Variants in UBR2 observed in about 807,000 individuals in gnomAD.
UBR2 encodes ubiquitin protein ligase E3 component n-recognin 2.
A neutral mutation model predicts 247.9 loss-of-function variants in UBR2; 92 were observed. That is an observed-to-expected ratio of 0.37 (90% CI 0.31 to 0.44). The LOEUF is 0.44. UBR2 is among the 20% of genes least tolerant of loss of function. The pLI is 1.00. For missense variants in UBR2, 1,613 were observed against 2,112.6 expected, an observed-to-expected ratio of 0.76 and a Z score of 4.64; for synonymous variants, 672 against 693.5, an observed-to-expected ratio of 0.97 and a Z score of 0.49.
chr6:42,672,429 A>T (rs146550005), intron 36 of UBR2, among the ~76,000 whole-genome samples: 4 of 152,082 alleles, frequency 2.6e-5, no homozygotes, highest in Non-Finnish European at 5.9e-5. Flanking sequence ...GTTCAGCCCC[A>T]TATTATTTCT....
At chr6:42,595,967 T>C (rs1287658196) in intron 4 of UBR2, among the ~76,000 whole-genome samples, 1 of 151,568 alleles carries the variant, frequency 6.6e-6, no homozygotes, top group Non-Finnish European at 1.5e-5. Flanking sequence ...TTTATATAGT[T>C]GATTGGGGTT....
chr6:42,665,042 T>G (rs1310873593), intron 32 of UBR2, among the ~76,000 whole-genome samples: 5 of 152,188 alleles, frequency 3.3e-5, no homozygotes, highest in Non-Finnish European at 5.9e-5. Flanking sequence ...GTAGGGATAT[T>G]TTGAGGATTA....
chr6:42,689,780 A>G lies in UBR2; in HGVS notation c.5126+110A>G. ...TGGTTCTGGAAGAGGTGGCTGTGTTATCTGTGGAGTCTTCCAAGGAGGGTG... is the reference window on the plus strand; with the variant it reads ...TGGTTCTGGAAGAGGTGGCTGTGTTGTCTGTGGAGTCTTCCAAGGAGGGTG... On this transcript the variant is annotated intron_variant, in intron 46 of 46. Coordinates refer to ENST00000372901, the MANE Select transcript of UBR2 (RefSeq NM_001363705.2). This position sits in a 1 kb window ranked among gnomAD's most constrained non-coding sequence, Gnocchi z 4.0. 4.2e-6 allele frequency: 4 copies of G among 952,732 alleles called. No homozygotes were observed. The highest frequency in any genetic ancestry group is 6.7e-6 in the Non-Finnish European group (4 of 597,342). The allele number at this position is 952,732 out of a possible 1,614,324, so 59.0% of individuals were successfully genotyped here. A position where few individuals can be genotyped will look rare whatever the true frequency, so the allele number is the denominator to read the frequency against.
chr6:42,593,831 C>T (rs1792813873), intron 3 of UBR2, among the ~76,000 whole-genome samples: 1 of 152,162 alleles, frequency 6.6e-6, no homozygotes, highest in Non-Finnish European at 1.5e-5. Flanking sequence ...TGTATAACCC[C>T]TGAGTCTATT....
intron 4 of UBR2, among the ~76,000 whole-genome samples, chr6:42,602,640 C>T (rs1202823198): frequency 6.8e-6 from 1 of 148,034 alleles, no homozygotes; most frequent in Non-Finnish European, 1.5e-5. Context: ...TATACATTTA[C>T]ATTAATATAT....
At chr6:42,592,073 A>T in intron 2 of UBR2, 78 bp from the exon 3 acceptor site, 1 of 1,350,918 alleles carries the variant, frequency 7.4e-7, no homozygotes. Flanking sequence ...TTTAGGATGG[A>T]TTCCAATTTG....
At chr6:42,602,869 A>G (rs1197343170) in intron 4 of UBR2, among the ~76,000 whole-genome samples, 1 of 152,070 alleles carries the variant, frequency 6.6e-6, no homozygotes, top group Non-Finnish European at 1.5e-5. Flanking sequence ...AATGCTACTT[A>G]GCCATTAAAC....
chr6:42,650,424 G>A (rs377188257), intron 23 of UBR2, 38 bp downstream of exon 23: 1 of 1,544,828 alleles, frequency 6.5e-7, no homozygotes, highest in Non-Finnish European at 8.9e-7. Flanking sequence ...GGGAAGGATT[G>A]CATTGTTTTT....
At chr6:42,685,334 T>G (rs182191963) in intron 44 of UBR2, among the ~76,000 whole-genome samples, 18 of 152,158 alleles carry the variant, frequency 1.2e-4, no homozygotes, top group Admixed American at 3.3e-4. Flanking sequence ...ACATCTGTAG[T>G]ACTCTATACT....
chr6:42,570,245 G>C (rs1196647101), intron 1 of UBR2, among the ~76,000 whole-genome samples: 1 of 152,144 alleles, frequency 6.6e-6, no homozygotes, highest in Non-Finnish European at 1.5e-5. Context: ...TAAAGTTTTT[G>C]GTTTTGAGAC....
intron 31 of UBR2, among the ~76,000 whole-genome samples, chr6:42,662,953 A>AAC (rs1797902771): frequency 6.8e-6 from 1 of 147,128 alleles, no homozygotes; most frequent in South Asian, 2.2e-4. Flanking sequence ...CAACAACAAC[A>AAC]AAAAAAAAAC....
At chr6:42,690,985 G>C in intron 46 of UBR2, 47 bp from the exon 47 acceptor site, 1 of 1,608,256 alleles carries the variant, frequency 6.2e-7, no homozygotes, top group Non-Finnish European at 8.5e-7. Flanking sequence ...TTATAATAGA[G>C]GAATAAACAG....
chr6:42,686,231 CCG>C (rs1361170329), intron 44 of UBR2, among the ~76,000 whole-genome samples: 2 of 151,784 alleles, frequency 1.3e-5, no homozygotes, highest in Non-Finnish European at 2.9e-5. Context: ...CTGCGGCCTT[CCG>C]CAGTGTTTGT....
intron 17 of UBR2, 47 bp from the exon 18 acceptor site, chr6:42,642,369 T>C: frequency 7.4e-7 from 1 of 1,356,954 alleles, no homozygotes; most frequent in Non-Finnish European, 1.0e-6. Flanking sequence ...AGAGAGAGCC[T>C]GAGCCAATAA....
chr6:42,657,094 G>A (rs1797482550), intron 26 of UBR2, among the ~76,000 whole-genome samples: 1 of 151,886 alleles, frequency 6.6e-6, no homozygotes, highest in Non-Finnish European at 1.5e-5. Context: ...AATTAACCGG[G>A]CATGGTGGCG....
At chr6:42,571,453 T>C (rs1398804755) in intron 1 of UBR2, among the ~76,000 whole-genome samples, 1 of 152,080 alleles carries the variant, frequency 6.6e-6, no homozygotes, top group Admixed American at 6.6e-5. Context: ...TTTGGTCTTA[T>C]TGCTTAATTT....
intron 22 of UBR2, among the ~76,000 whole-genome samples, chr6:42,648,632 T>C (rs1392994504): frequency 6.6e-6 from 1 of 152,214 alleles, no homozygotes; most frequent in Non-Finnish European, 1.5e-5. Flanking sequence ...TGTTTTTTCT[T>C]TGCTTCCTAC....
chr6:42,621,612 G>A (rs942873576), intron 11 of UBR2, among the ~76,000 whole-genome samples: 4 of 151,954 alleles, frequency 2.6e-5, no homozygotes, highest in African/African-American at 4.8e-5. Context: ...ATAGGCATGC[G>A]CCACCACACC....
At chr6:42,584,213 C>T (rs903305333) in intron 2 of UBR2, among the ~76,000 whole-genome samples, 7 of 152,178 alleles carry the variant, frequency 4.6e-5, no homozygotes, top group African/African-American at 1.7e-4. Context: ...TCAGGCTGGT[C>T]TCAAACTCCC....
Sources: allele counts gnomAD v4.1 joint callset (sites outside exome capture counted in the v4.1 genomes callset), GRCh38; gene constraint gnomAD v4.1.1; non-coding constraint Gnocchi (gnomAD v3.1); transcripts MANE v1.5; gene names NCBI Gene and HGNC (gene_info 2026-07-23, HGNC 2026-07-21).